ANKRD44: variants seen among roughly 807,000 people sequenced by gnomAD.
ANKRD44 encodes ankyrin repeat domain 44.
ANKRD44 carries 35 observed loss-of-function variants against 116.0 expected under a neutral mutation model. The observed-to-expected ratio is 0.30, with a 90% CI of 0.23 to 0.40. The LOEUF is 0.40. ANKRD44 is among the 10% of genes least tolerant of loss of function. The pLI is 1.00. For missense variants in ANKRD44, 1,014 were observed against 1,242.6 expected (o/e 0.82, Z 2.77); for synonymous variants, 435 against 461.8 (o/e 0.94, Z 0.74).
intron 1 of ANKRD44, among the ~76,000 whole-genome samples, chr2:197,216,467 C>G (rs1316168631): frequency 1.3e-5 from 2 of 152,186 alleles, no homozygotes. Context: ...ATTTTAGGAG[C>G]TGTCCCTCCT....
At chr2:197,224,709 A>G (rs576083931) in intron 1 of ANKRD44, among the ~76,000 whole-genome samples, 65 of 152,324 alleles carry the variant, frequency 4.3e-4, no homozygotes, top group Middle Eastern at 3.4e-3. Context: ...TAAGCCCCAT[A>G]GGATTTAAAA....
chr2:197,012,229 C>T (rs1233494600), intron 18 of ANKRD44, among the ~76,000 whole-genome samples: 2 of 152,132 alleles, frequency 1.3e-5, no homozygotes, highest in Non-Finnish European at 2.9e-5. Flanking sequence ...GTCTTCTTGA[C>T]CACTAGGGGG....
At chr2:197,140,534 T>C (rs1185501836) in intron 3 of ANKRD44, among the ~76,000 whole-genome samples, 1 of 152,120 alleles carries the variant, frequency 6.6e-6, no homozygotes, top group Non-Finnish European at 1.5e-5. Context: ...TTTCTCACGC[T>C]GGTCTCAAAC....
chr2:197,206,806 A>G (rs914686264), intron 1 of ANKRD44, among the ~76,000 whole-genome samples: 1 of 152,154 alleles, frequency 6.6e-6, no homozygotes, highest in Non-Finnish European at 1.5e-5. Context: ...CTCCTCCATC[A>G]TCAATTGTCA....
intron 3 of ANKRD44, among the ~76,000 whole-genome samples, chr2:197,137,600 C>T (rs2079250716): frequency 6.6e-6 from 1 of 152,192 alleles, no homozygotes; most frequent in East Asian, 1.9e-4. Context: ...AATCATAGAG[C>T]TTACACTATT....
At chr2:197,018,428 G>T (rs2076432872) in intron 17 of ANKRD44, among the ~76,000 whole-genome samples, 1 of 152,040 alleles carries the variant, frequency 6.6e-6, no homozygotes, top group East Asian at 1.9e-4. Flanking sequence ...TGTACTTTCT[G>T]CTCCCTCTGT....
intron 1 of ANKRD44, among the ~76,000 whole-genome samples, chr2:197,243,563 A>G (rs1251588361): frequency 2.6e-5 from 4 of 152,238 alleles, no homozygotes; most frequent in African/African-American, 4.8e-5. Flanking sequence ...AGTTGCTATA[A>G]CAAAATACCT....
chr2:196,980,873 T>TA (rs147107069), intron 21 of ANKRD44, among the ~76,000 whole-genome samples: 2,102 of 152,356 alleles, frequency 0.014, 38 homozygotes, highest in African/African-American at 0.041. Context: ...TCCATCTACT[T>TA]AAAGTAAAAT....
intron 1 of ANKRD44, among the ~76,000 whole-genome samples, chr2:197,225,469 A>G (rs970982143): frequency 3.9e-5 from 6 of 152,004 alleles, no homozygotes; most frequent in African/African-American, 1.5e-4. Context: ...TCAGCCTTCT[A>G]AGTAGCTGGG....
intron 21 of ANKRD44, among the ~76,000 whole-genome samples, chr2:196,978,429 T>C (rs2075775321): frequency 6.6e-6 from 1 of 152,210 alleles, no homozygotes; most frequent in Admixed American, 6.5e-5. Flanking sequence ...GGTATTCCTT[T>C]ATAGCAATGC....
chr2:197,038,925 C>T (rs1243186355), intron 16 of ANKRD44, among the ~76,000 whole-genome samples: 1 of 152,106 alleles, frequency 6.6e-6, no homozygotes, highest in African/African-American at 2.4e-5. Context: ...CAAAGAATTG[C>T]TGCAGAAGCC....
chr2:197,060,752 A>G (rs990450765), intron 16 of ANKRD44, among the ~76,000 whole-genome samples: 1 of 152,120 alleles, frequency 6.6e-6, no homozygotes, highest in Non-Finnish European at 1.5e-5. Context: ...CAACTTTTTT[A>G]GATTCCACAG....
intron 1 of ANKRD44, among the ~76,000 whole-genome samples, chr2:197,285,684 C>G (rs567867284): frequency 6.6e-6 from 1 of 152,142 alleles, no homozygotes; most frequent in Non-Finnish European, 1.5e-5. Flanking sequence ...CTCAGGCATG[C>G]CCCCAGTCAC....
intron 4 of ANKRD44, among the ~76,000 whole-genome samples, chr2:197,132,833 C>T (rs1161885934): frequency 6.6e-6 from 1 of 151,974 alleles, no homozygotes; most frequent in East Asian, 1.9e-4. Context: ...AGGCAAGATG[C>T]TAGAAATACA....
At chr2:197,117,927 C>T (rs1296228130) in intron 8 of ANKRD44, among the ~76,000 whole-genome samples, 2 of 152,002 alleles carry the variant, frequency 1.3e-5, no homozygotes, top group African/African-American at 4.8e-5. Context: ...AAATAACATG[C>T]TCTGCCAGGT....
chr2:197,281,649 TAACTTGCC>T (rs2083268526), intron 1 of ANKRD44, among the ~76,000 whole-genome samples: 1 of 152,208 alleles, frequency 6.6e-6, no homozygotes, highest in African/African-American at 2.4e-5. Flanking sequence ...ATGATGTTGC[TAACTTGCC>T]AACTGTATTT....
At chr2:197,195,246 G>A (rs1176227974) in intron 1 of ANKRD44, among the ~76,000 whole-genome samples, 1 of 152,140 alleles carries the variant, frequency 6.6e-6, no homozygotes, top group African/African-American at 2.4e-5. Flanking sequence ...CTCCCAAAGA[G>A]CTGGGATTAC....
chr2:197,018,801 T>C (rs970763696), intron 17 of ANKRD44, among the ~76,000 whole-genome samples: 4 of 152,358 alleles, frequency 2.6e-5, no homozygotes, highest in Middle Eastern at 3.4e-3. Flanking sequence ...ATATGTTTTT[T>C]AAACAGCAAT....
intron 1 of ANKRD44, among the ~76,000 whole-genome samples, chr2:197,288,821 C>G (rs1399443395): frequency 6.6e-6 from 1 of 152,050 alleles, no homozygotes; most frequent in Non-Finnish European, 1.5e-5. Flanking sequence ...ACCATATGTT[C>G]TCATTCACAT....
Sources: gnomAD v4.1 joint callset for allele counts (sites outside exome capture counted in the v4.1 genomes callset) on GRCh38, gnomAD v4.1.1 for gene constraint, MANE v1.5 for transcripts, NCBI Gene and HGNC (gene_info 2026-07-23, HGNC 2026-07-21) for gene names.